The following IFITM3 variants were observed in gnomAD, a reference collection of about 807,000 sequenced individuals.
IFITM3 encodes the protein interferon induced transmembrane protein 3.
Under a neutral mutation model 5.2 loss-of-function variants are expected in IFITM3, and 5 were observed. That is an observed-to-expected ratio of 0.96 (90% CI 0.50 to 2.03). IFITM3 has a LOEUF of 2.03. Ranked by LOEUF, IFITM3 falls within the 30% of genes most tolerant of loss-of-function variation. The probability of loss-of-function intolerance (pLI) is 0.01; values close to 1 mark genes in which losing one functional copy is unlikely to be tolerated. For synonymous variants in IFITM3, 81 were observed against 77.6 expected (o/e 1.04, Z -0.23); for missense variants, 156 against 177.3 (o/e 0.88, Z 0.68).
rs767406179 is a variant in IFITM3, at chr11:320,798, G to A, written c.16C>T (p.Gln6Ter). The change falls in exon 1 of 2, where the codon CAA (glutamine) becomes TAA (stop). Residue 6 changes from glutamine to a stop codon, truncating the protein, a stop_gained. Transcript: ENST00000399808. LOFTEE classifies it high-confidence loss of function. MNHTV[Q>*]TFFSPVNSGQ... is the part of the protein sequence containing the mutation. ...CTGTTGACAGGAGAGAAGAAGGTTT[G>A]GACAGTGTGATTCATGGTGTCCAGC... 1 of 1,612,764 alleles carries A rather than the reference G, an allele frequency of 6.2e-7. No individual in the cohort carries two copies. The highest frequency in any genetic ancestry group is 8.5e-7 in the Non-Finnish European group (1 of 1,179,120).
At chr11:320,332 C>T in intron 1 of IFITM3, 6 of 791,060 alleles carry the variant, frequency 7.6e-6, no homozygotes, top group South Asian at 7.4e-5. Context: ...GACTCTGAGC[C>T]AGCCAGCCAG....
chr11:319,677 C>T lies in IFITM3; in HGVS notation c.*161G>A, dbSNP rs1403404389. The T allele has an allele frequency of 5.2e-5, 51 of 979,204 alleles. No homozygotes were observed. In the Middle Eastern group the frequency reaches 1.4e-3, roughly 28 times the overall value. The allele number at this position is 979,204 out of a possible 1,614,324, so 60.7% of individuals were successfully genotyped here. ...CTCCCCAGGTGAAGTCGCAGCAGCA[C>T]CAGAAACACGTGCACTTTATTGAAT... On this transcript the variant is annotated 3_prime_UTR_variant, in exon 2 of 2. Transcript: ENST00000399808.
chr11:319,786 C>G lies in IFITM3; in HGVS notation c.*52G>C, dbSNP rs752560311. 2.5e-6 allele frequency: 4 copies of G among 1,611,938 alleles called. No individual in the cohort carries two copies. The highest frequency in any genetic ancestry group is 3.4e-6 in the Non-Finnish European group (4 of 1,178,326). On this transcript the variant is annotated 3_prime_UTR_variant, in exon 2 of 2. Coordinates refer to ENST00000399808, the MANE Select transcript of IFITM3 (RefSeq NM_021034.3). ...AGGGCGAGGAATGGAAGTTGGAGTA[C>G]GTGGGATACAGGTCATGGGCAGAGC...
rs530517540 is a variant in IFITM3, at chr11:320,443, A to G, written c.249+122T>C. On this transcript the variant is annotated intron_variant, in intron 1 of 1. Transcript: ENST00000399808. ...AGCCACTGACGTGGGCACACACGGGACAGAGGTGCACACAAACTCACAGTC... is the reference window on the plus strand; with the variant it reads ...AGCCACTGACGTGGGCACACACGGGGCAGAGGTGCACACAAACTCACAGTC... The G allele has an allele frequency of 3.2e-4, 462 of 1,439,038 alleles. 5 individuals are homozygous for G. The South Asian group carries it at 5.4e-3, about 17-fold the overall frequency. 89.1% of individuals were successfully genotyped at this position (1,439,038 alleles called of 1,614,324 possible). A position where few individuals can be genotyped will look rare whatever the true frequency, so the allele number is the denominator to read the frequency against.
chr11:319,764 G>T lies in IFITM3; in HGVS notation c.*74C>A. Reference sequence around the variant, plus strand: ...TACAGGACTCGGCTCCGGGGGCAGGGCGAGGAATGGAAGTTGGAGTACGTG... The same window carrying T: ...TACAGGACTCGGCTCCGGGGGCAGGTCGAGGAATGGAAGTTGGAGTACGTG... On this transcript the variant is annotated 3_prime_UTR_variant, in exon 2 of 2. Transcript: ENST00000399808. 1.3e-6 allele frequency: 2 copies of T among 1,597,602 alleles called. No individual in the cohort carries two copies. The highest frequency in any genetic ancestry group is 1.3e-5 in the African/African-American group (1 of 74,682).
Position 320,821 on chromosome 11 carries a change from A to G in IFITM3, c.-8T>C, listed in dbSNP as rs746236413. On this transcript the variant is annotated 5_prime_UTR_variant, in exon 1 of 2. Transcript: ENST00000399808. ...TTGGACAGTGTGATTCATGGTGTCC[A>G]GCGAAGACCAGCGGCGGTCGGGTTA... 1.9e-6 allele frequency: 3 copies of G among 1,600,470 alleles called. No individual in the cohort carries two copies. The highest frequency in any genetic ancestry group is 2.7e-5 in the African/African-American group (2 of 74,788).
At position 320,838 on chromosome 11, in the gene IFITM3, G is replaced by C; in HGVS notation, c.-25C>G. The C allele has an allele frequency of 6.3e-7, 1 of 1,588,622 alleles. No homozygotes were observed. Among genetic ancestry groups the C allele is most frequent in the Non-Finnish European group, 8.6e-7 (1 of 1,161,584 alleles). ...TGGTGTCCAGCGAAGACCAGCGGCG[G>C]TCGGGTTACTGGGATGGTTCTCAGT... On this transcript the variant is annotated 5_prime_UTR_variant, in exon 1 of 2. Coordinates refer to ENST00000399808, the MANE Select transcript of IFITM3 (RefSeq NM_021034.3).
At chr11:320,038 C>T in intron 1 of IFITM3, 48 bp from the exon 2 acceptor site, 1 of 1,605,610 alleles carries the variant, frequency 6.2e-7, no homozygotes. Flanking sequence ...CAGCTGAGAG[C>T]CGCGTGCTAT....
Position 320,800 on chromosome 11 carries a change from A to G in IFITM3, c.14T>C (p.Val5Ala), listed in dbSNP as rs779905256. The change falls in exon 1 of 2, where the codon GTC becomes GCC. Residue 5 changes from valine (V) to alanine (A), a missense_variant. Val to Ala is a moderately conservative substitution (Grantham distance 64, BLOSUM62 0). Transcript: ENST00000399808. MNHT[V>A]QTFFSPVNSG... ...GTTGACAGGAGAGAAGAAGGTTTGG[A>G]CAGTGTGATTCATGGTGTCCAGCGA... 3 of 1,612,704 alleles carry G rather than the reference A, an allele frequency of 1.9e-6. No homozygotes were observed. The highest frequency in any genetic ancestry group is 2.5e-6 in the Non-Finnish European group (3 of 1,179,082).
chr11:320,655 G>A lies in IFITM3; in HGVS notation c.159C>T (p.Ser53=), dbSNP rs750796120. 6.2e-6 allele frequency: 10 copies of A among 1,613,758 alleles called. No individual in the cohort carries two copies. Among genetic ancestry groups the A allele is most frequent in the Admixed American group, 3.3e-5 (2 of 59,994 alleles). ...GGGACCAGACGACATGGTCGGGCAC[G>A]GAGGTCTCGCTGCGGATGTGGATCA... ...STVIHIRSET[S]VPDHVVWSLF... Residue 53 remains serine (S), a synonymous_variant, in exon 1 of 2, where the codon TCC becomes TCT. Transcript: ENST00000399808.
At chr11:320,132 G>A (rs1221432184) in intron 1 of IFITM3, 142 bp from the exon 2 acceptor site, 1 of 883,934 alleles carries the variant, frequency 1.1e-6, no homozygotes, top group Non-Finnish European at 1.8e-6. Flanking sequence ...GACTCTCCAG[G>A]AGCCTCGGGG....
At position 319,876 on chromosome 11, in the gene IFITM3, T is replaced by C; in HGVS notation, c.364A>G (p.Ile122Val). 6.2e-7 allele frequency: 1 copy of C among 1,614,186 alleles called. No individual in the cohort carries two copies. The highest frequency in any genetic ancestry group is 8.5e-7 in the Non-Finnish European group (1 of 1,180,026). Residue 122 changes from isoleucine to valine, a missense_variant, in exon 2 of 2, where the codon ATC (isoleucine) becomes GTC (valine). Coordinates refer to ENST00000399808, the MANE Select transcript of IFITM3 (RefSeq NM_021034.3). Reference sequence around the variant, plus strand: ...TGGAAGATCAGCACTGGGATGACGATGAGCAGAATGGTCATGAGGATGCCC... The same window carrying C: ...TGGAAGATCAGCACTGGGATGACGACGAGCAGAATGGTCATGAGGATGCCC... ...ILGILMTILL[I>V]VIPVLIFQAY...
chr11:320,673 G>A lies in IFITM3; in HGVS notation c.141C>T (p.His47=), dbSNP rs371344800. Residue 47 remains histidine, a synonymous_variant, in exon 1 of 2, where the codon CAC becomes CAT. Transcript: ENST00000399808. ...NPAPPTSTVI[H]IRSETSVPDH... is the part of the protein sequence containing the mutation. ...CGGGCACGGAGGTCTCGCTGCGGAT[G>A]TGGATCACGGTGGACGTCGGGGGAG... 3.1e-6 allele frequency: 5 copies of A among 1,613,816 alleles called. No individual in the cohort carries two copies. Among genetic ancestry groups the A allele is most frequent in the Admixed American group, 3.3e-5 (2 of 60,004 alleles).
chr11:320,015 G>A (rs760770622), intron 1 of IFITM3, 25 bp from the exon 2 acceptor site: 4 of 1,609,912 alleles, frequency 2.5e-6, no homozygotes, highest in East Asian at 2.2e-5. Context: ...ATGGTGAGGG[G>A]ACCAGGATCC....
In IFITM3 at chr11:320,577, G is replaced by C. The variant is rs201267608; in HGVS notation, c.237C>G (p.Ala79=). ...NPCCLGFIAF[A]YSVKSRDRKM... is the part of the protein sequence containing the mutation. ...GGGCCATACGCACCTTCACGGAGTA[G>C]GCGAATGCTATGAAGCCCAGGCAGC... The change falls in exon 1 of 2, where the codon GCC becomes GCG. Residue 79 remains alanine, a synonymous_variant. Coordinates refer to ENST00000399808, the MANE Select transcript of IFITM3 (RefSeq NM_021034.3). The C allele has an allele frequency of 4.3e-6, 7 of 1,613,878 alleles. No homozygotes were observed. Among genetic ancestry groups the C allele is most frequent in the Non-Finnish European group, 5.9e-6 (7 of 1,179,862 alleles).
Position 320,623 on chromosome 11 carries a change from T to G in IFITM3, c.191A>C (p.Asn64Thr). 2 of 1,613,732 alleles carry G rather than the reference T, an allele frequency of 1.2e-6. No homozygotes were observed. The highest frequency in any genetic ancestry group is 1.7e-6 in the Non-Finnish European group (2 of 1,179,828). Residue 64 changes from asparagine to threonine, a missense_variant, in exon 1 of 2, where the codon AAC becomes ACC. Coordinates refer to ENST00000399808, the MANE Select transcript of IFITM3 (RefSeq NM_021034.3). ...VPDHVVWSLFNTLFMNPCCLG... is the reference protein window; with the variant it reads ...VPDHVVWSLFTTLFMNPCCLG... ...GCAGCAGGGGTTCATGAAGAGGGTGTTGAACAGGGACCAGACGACATGGTC... is the reference window on the plus strand; with the variant it reads ...GCAGCAGGGGTTCATGAAGAGGGTGGTGAACAGGGACCAGACGACATGGTC...
intron 1 of IFITM3, chr11:320,248 T>C (rs1379418261): frequency 5.6e-6 from 4 of 714,360 alleles, no homozygotes; most frequent in Non-Finnish European, 7.6e-6. Context: ...TGGGTGCCAG[T>C]CTGGAAGGTG....
Position 320,668 on chromosome 11 carries a change from C to G in IFITM3, c.146G>C (p.Arg49Pro), listed in dbSNP as rs758323625. The stretch of plus-strand genomic sequence containing the variant: ...ATGGTCGGGCACGGAGGTCTCGCTG[C>G]GGATGTGGATCACGGTGGACGTCGG... The part of the protein sequence containing the change: ...APPTSTVIHI[R>P]SETSVPDHVV... The change falls in exon 1 of 2, where the codon CGC becomes CCC. Residue 49 changes from arginine to proline, a missense_variant. Transcript: ENST00000399808. 2 of 1,613,742 alleles carry G rather than the reference C, an allele frequency of 1.2e-6. No individual in the cohort carries two copies. Among genetic ancestry groups the G allele is most frequent in the Non-Finnish European group, 1.7e-6 (2 of 1,179,890 alleles).
chr11:320,020 G>C, intron 1 of IFITM3, 30 bp from the exon 2 acceptor site: 1 of 1,609,262 alleles, frequency 6.2e-7, no homozygotes, highest in Non-Finnish European at 8.5e-7. Context: ...GAGGGGACCA[G>C]GATCCCCCAG....
Sources: gnomAD v4.1 joint callset for allele counts on GRCh38, gnomAD v4.1.1 for gene constraint, MANE v1.5 for transcripts, NCBI Gene and HGNC (gene_info 2026-07-23, HGNC 2026-07-21) for gene names.